ARHGAP20: variants seen among roughly 807,000 people sequenced by gnomAD.
The protein encoded by ARHGAP20 is Rho GTPase activating protein 20.
A neutral mutation model predicts 73.7 loss-of-function variants in ARHGAP20; 34 were observed. The observed-to-expected ratio is 0.46, with a 90% CI of 0.35 to 0.61. The LOEUF (loss-of-function observed/expected upper bound fraction) is 0.61, where lower values mean the gene tolerates loss of function less well. Among genes scored for constraint, ARHGAP20 ranks in the 20% least tolerant of loss-of-function variants. The pLI, the probability that ARHGAP20 is intolerant of heterozygous loss-of-function variation, is 0.00. For missense variants in ARHGAP20, 1,314 were observed against 1,420.9 expected, an observed-to-expected ratio of 0.92 and a Z score of 1.21; for synonymous variants, 523 against 518.2, an observed-to-expected ratio of 1.01 and a Z score of -0.13.
intron 9 of ARHGAP20, 77 bp downstream of exon 9, chr11:110,606,484 C>T (rs1366042866): frequency 3.5e-6 from 5 of 1,421,668 alleles, no homozygotes; most frequent in African/African-American, 2.9e-5. Flanking sequence ...AATACCTCAT[C>T]TGGCGGGAGG....
At chr11:110,689,236 C>T (rs182227044) in intron 2 of ARHGAP20, among the ~76,000 whole-genome samples, 153 of 152,044 alleles carry the variant, frequency 1.0e-3, no homozygotes, top group Admixed American at 6.4e-3. Context: ...CTCCTAACCT[C>T]GTGACCCGCC....
chr11:110,666,576 T>C lies in ARHGAP20; in HGVS notation c.188+23971A>G, dbSNP rs372707891. 1.2e-4 allele frequency among the ~76,000 whole-genome samples: 18 copies of C among 152,344 alleles called. No homozygotes were observed. The East Asian group carries it at 2.1e-3, about 18-fold the overall frequency. Reference sequence around the variant, plus strand: ...TACCTTGTTTTATTGTGCTTTACTTTATTGTACTTTGCAGATATTACATTT... The same window carrying C: ...TACCTTGTTTTATTGTGCTTTACTTCATTGTACTTTGCAGATATTACATTT... On this transcript the variant is annotated intron_variant, in intron 2 of 14. Coordinates refer to ENST00000683387, the MANE Select transcript of ARHGAP20 (RefSeq NM_001384657.1).
chr11:110,712,333 T>TGCCGTGCTCAGGCAGGGA lies in ARHGAP20; in HGVS notation c.-120_-103dup. ...GAGGACGCGCGGGCGGAGGCGCGGC[T>TGCCGTGCTCAGGCAGGGA]GCCGTGCTCAGGCAGGGAGCCGAGC... On this transcript the variant is annotated 5_prime_UTR_variant, in exon 1 of 15. Transcript: ENST00000683387. 9.9e-7 allele frequency: 1 copy of TGCCGTGCTCAGGCAGGGA among 1,014,848 alleles called. No homozygotes were observed. The highest frequency in any genetic ancestry group is 1.3e-6 in the Non-Finnish European group (1 of 778,362). The allele number at this position is 1,014,848 out of a possible 1,614,324, so 62.9% of individuals were successfully genotyped here.
At chr11:110,610,647 C>G (rs73553972) in intron 7 of ARHGAP20, among the ~76,000 whole-genome samples, 58 of 152,220 alleles carry the variant, frequency 3.8e-4, no homozygotes, top group African/African-American at 1.4e-3. Context: ...ATGTTCTAAT[C>G]TTCTCCACTC....
chr11:110,591,085 A>G (rs761997528), intron 10 of ARHGAP20, among the ~76,000 whole-genome samples: 1 of 152,240 alleles, frequency 6.6e-6, no homozygotes, highest in Non-Finnish European at 1.5e-5. Context: ...GATCTATTAT[A>G]TAACATTATG....
chr11:110,578,931 C>T lies in ARHGAP20; in HGVS notation c.*439G>A. 1 of 987,130 alleles carries T rather than the reference C, an allele frequency of 1.0e-6. No individual in the cohort carries two copies. The highest frequency in any genetic ancestry group is 1.2e-6 in the Non-Finnish European group (1 of 831,032). 61.1% of individuals were successfully genotyped at this position (987,130 alleles called of 1,614,324 possible). On this transcript the variant is annotated 3_prime_UTR_variant, in exon 15 of 15. Transcript: ENST00000683387. ...TAATGCTTTGATTAGTGGCATTTTTCTTGCCTACTTATTAAAAACATTCCA... is the reference window on the plus strand; with the variant it reads ...TAATGCTTTGATTAGTGGCATTTTTTTTGCCTACTTATTAAAAACATTCCA...
chr11:110,611,687 T>G (rs1948369880), intron 6 of ARHGAP20, among the ~76,000 whole-genome samples: 1 of 152,130 alleles, frequency 6.6e-6, no homozygotes, highest in African/African-American at 2.4e-5. Context: ...AGCTTCCAAT[T>G]AAAAAAATAG....
chr11:110,641,734 A>G (rs1253431189), intron 2 of ARHGAP20, among the ~76,000 whole-genome samples: 2 of 152,072 alleles, frequency 1.3e-5, no homozygotes, highest in African/African-American at 2.4e-5. Context: ...AAAACAACAC[A>G]AAACCTTCAT....
intron 2 of ARHGAP20, among the ~76,000 whole-genome samples, chr11:110,638,424 G>T (rs1379963287): frequency 1.3e-5 from 2 of 152,006 alleles, no homozygotes; most frequent in Non-Finnish European, 2.9e-5. Context: ...GTACACTGAA[G>T]AATACACAGG....
intron 2 of ARHGAP20, among the ~76,000 whole-genome samples, chr11:110,636,469 G>T (rs148218628): frequency 1.3e-5 from 2 of 152,144 alleles, no homozygotes; most frequent in Non-Finnish European, 2.9e-5. Flanking sequence ...CAATTCCAAA[G>T]GATTTTCACA....
chr11:110,661,303 G>A (rs1331096535), intron 2 of ARHGAP20, among the ~76,000 whole-genome samples: 1 of 152,018 alleles, frequency 6.6e-6, no homozygotes, highest in Non-Finnish European at 1.5e-5. Flanking sequence ...GAAACATAGA[G>A]GGGAAAAAAC....
At chr11:110,586,181 G>T in intron 12 of ARHGAP20, 35 bp downstream of exon 12, 1 of 1,097,430 alleles carries the variant, frequency 9.1e-7, no homozygotes, top group Non-Finnish European at 1.3e-6. Flanking sequence ...TATTTTTAAA[G>T]TATTTTTGAG....
chr11:110,711,876 G>T, intron 1 of ARHGAP20: 1 of 1,312,660 alleles, frequency 7.6e-7, no homozygotes, highest in South Asian at 2.3e-5. Context: ...CGGGAGGGAG[G>T]CTGCGAGGTC....
intron 8 of ARHGAP20, 37 bp from the exon 9 acceptor site, chr11:110,606,786 G>A (rs1468612060): frequency 1.4e-6 from 2 of 1,476,698 alleles, no homozygotes; most frequent in South Asian, 1.4e-5. Flanking sequence ...ACTTCAGGCT[G>A]ACTGGTACTG....
intron 11 of ARHGAP20, 138 bp downstream of exon 11, chr11:110,590,510 C>T (rs927322778): frequency 3.3e-6 from 3 of 917,314 alleles, no homozygotes; most frequent in African/African-American, 3.4e-5. Context: ...TTTTATAACA[C>T]TTTTTAGTGT....
chr11:110,653,527 A>AT (rs1728338409), intron 2 of ARHGAP20, among the ~76,000 whole-genome samples: 1 of 152,236 alleles, frequency 6.6e-6, no homozygotes, highest in African/African-American at 2.4e-5. Flanking sequence ...ATGAGATACC[A>AT]TCTCATGCCA....
At chr11:110,687,819 A>G (rs1950165571) in intron 2 of ARHGAP20, among the ~76,000 whole-genome samples, 3 of 152,202 alleles carry the variant, frequency 2.0e-5, no homozygotes. Flanking sequence ...TACTAAAGAC[A>G]ATTAAGTAGT....
intron 9 of ARHGAP20, among the ~76,000 whole-genome samples, chr11:110,595,055 T>C (rs939183513): frequency 6.6e-6 from 1 of 151,464 alleles, no homozygotes; most frequent in Non-Finnish European, 1.5e-5. Flanking sequence ...CATGATTATC[T>C]CAATAGATGC....
chr11:110,601,613 G>A (rs1948111415), intron 9 of ARHGAP20, among the ~76,000 whole-genome samples: 1 of 152,264 alleles, frequency 6.6e-6, no homozygotes, highest in South Asian at 2.1e-4. Flanking sequence ...TGTGAGCTAA[G>A]AATGGCTTTT....
Sources: allele counts gnomAD v4.1 joint callset (sites outside exome capture counted in the v4.1 genomes callset), GRCh38; gene constraint gnomAD v4.1.1; transcripts MANE v1.5; gene names NCBI Gene and HGNC (gene_info 2026-07-23, HGNC 2026-07-21).